Variants in PCDHGA3 observed in about 807,000 individuals in gnomAD.
The protein encoded by PCDHGA3 is protocadherin gamma-A3.
PCDHGA3 carries 40 observed loss-of-function variants against 58.5 expected under a neutral mutation model. The observed-to-expected ratio is 0.68, with a 90% confidence interval of 0.53 to 0.89. The LOEUF (loss-of-function observed/expected upper bound fraction) is 0.89. Ranked by LOEUF, PCDHGA3 falls within the 40% of genes least tolerant of loss-of-function variation. PCDHGA3 has a pLI of 0.00. For synonymous variants in PCDHGA3, 530 were observed against 525.7 expected (o/e 1.01, Z -0.11); for missense variants, 1,223 against 1,195.9 (o/e 1.02, Z -0.33).
At chr5:141,457,063 G>A (rs1477613746) in intron 1 of PCDHGA3, among the ~76,000 whole-genome samples, 1 of 152,104 alleles carries the variant, frequency 6.6e-6, no homozygotes, top group East Asian at 1.9e-4. Context: ...CTTCCTTTTT[G>A]CCAGTAACTA....
intron 1 of PCDHGA3, among the ~76,000 whole-genome samples, chr5:141,492,559 C>G (rs533830391): frequency 2.0e-5 from 3 of 152,174 alleles, no homozygotes; most frequent in Non-Finnish European, 4.4e-5. Context: ...GCCTGGGGGG[C>G]GGCCTGAGCG....
rs1266306917 is a variant in PCDHGA3 at position 141,403,005 on chromosome 5, C to A, written c.2424+56548C>A. ...CGCGGAAGATTAGTCCTGCTATGCTCGCTCCTGGGGATGCTATGGGAGGCC... is the reference window on the plus strand; with the variant it reads ...CGCGGAAGATTAGTCCTGCTATGCTAGCTCCTGGGGATGCTATGGGAGGCC... On this transcript the variant is annotated intron_variant, in intron 1 of 3. Transcript: ENST00000253812. The A allele has an allele frequency of 2.5e-6, 4 of 1,613,960 alleles. No homozygotes were observed. The East Asian group carries it at 8.9e-5, about 36-fold the overall frequency.
intron 1 of PCDHGA3, among the ~76,000 whole-genome samples, chr5:141,453,216 C>T (rs565229516): frequency 8.5e-5 from 13 of 152,080 alleles, no homozygotes; most frequent in Non-Finnish European, 1.0e-4. Context: ...TGCACTTAAG[C>T]GATCCTCCCA....
rs141363854 is a variant in PCDHGA3, at chr5:141,371,204, T to C, written c.2424+24747T>C. 1.5e-4 allele frequency: 240 copies of C among 1,614,012 alleles called. 1 individual carries two copies. The African/African-American group carries it at 3.0e-3, about 20-fold the overall frequency. ...TAAAAGTGATGGCCATTGACATGGA[T>C]GAGGGCATCAATGCCGAAATCATCT... On this transcript the variant is annotated intron_variant, in intron 1 of 3. Coordinates refer to ENST00000253812, the MANE Select transcript of PCDHGA3 (RefSeq NM_018916.4).
chr5:141,348,522 G>T lies in PCDHGA3; in HGVS notation c.2424+2065G>T, dbSNP rs1376139364. On this transcript the variant is annotated intron_variant, in intron 1 of 3. Coordinates refer to ENST00000253812, the MANE Select transcript of PCDHGA3 (RefSeq NM_018916.4). ...TAATTAGCTGTGTCAGGGGAAATTT[G>T]GATGCTCAAAGATAATTTCTAAGAA... Among the ~76,000 whole-genome samples, 3 of 152,212 alleles carry T rather than the reference G, an allele frequency of 2.0e-5. 1 individual carries two copies. The highest frequency in any genetic ancestry group is 7.2e-5 in the African/African-American group (3 of 41,530).
chr5:141,477,932 C>G lies in PCDHGA3; in HGVS notation c.2425-16875C>G, dbSNP rs1193822505. The G allele has an allele frequency of 3.1e-6, 5 of 1,614,040 alleles. No individual in the cohort carries two copies. The highest frequency in any genetic ancestry group is 4.2e-6 in the Non-Finnish European group (5 of 1,180,042). On this transcript the variant is annotated intron_variant, in intron 1 of 3. Transcript: ENST00000253812. This position sits in a 1 kb window ranked among gnomAD's most constrained non-coding sequence, Gnocchi z 4.9. ...CGCGGATGCAGGGCACAATGCCTGG[C>G]TCTCCTACAGTCTCTTGGGATCCCC... is the stretch of plus-strand genomic sequence containing the variant.
chr5:141,385,101 C>A (rs1373310406), intron 1 of PCDHGA3: 2 of 1,614,194 alleles, frequency 1.2e-6, no homozygotes, highest in East Asian at 2.2e-5. Flanking sequence ...GCTTGGCGAA[C>A]GTGCCCACCT....
intron 1 of PCDHGA3, among the ~76,000 whole-genome samples, chr5:141,455,315 T>G (rs1416163436): frequency 6.6e-6 from 1 of 152,152 alleles, no homozygotes; most frequent in Non-Finnish European, 1.5e-5. Context: ...TTAGCAATTT[T>G]GTGTGTGTGT....
At chr5:141,415,552 G>A in intron 1 of PCDHGA3, 1 of 1,614,098 alleles carries the variant, frequency 6.2e-7, no homozygotes, top group Admixed American at 1.7e-5. Context: ...TGAGAAAAAC[G>A]ATCCTTTGTC....
In PCDHGA3 at chr5:141,485,076, G is replaced by A; in HGVS notation, c.2425-9731G>A. 2.1e-6 allele frequency: 2 copies of A among 944,586 alleles called. No homozygotes were observed. Among genetic ancestry groups the A allele is most frequent in the East Asian group, 2.4e-5 (1 of 41,508 alleles). The allele number at this position is 944,586 out of a possible 1,614,324, so 58.5% of individuals were successfully genotyped here. ...CCGAACCGCGCCAGAGCTGGCGCGG[G>A]GAAAGGGAGATAGGTGTCTCCAGCT... On this transcript the variant is annotated intron_variant, in intron 1 of 3. Coordinates refer to ENST00000253812, the MANE Select transcript of PCDHGA3 (RefSeq NM_018916.4). This position sits in a 1 kb window ranked among gnomAD's most constrained non-coding sequence, Gnocchi z 5.7.
At chr5:141,501,881 C>T (rs1396427606) in intron 2 of PCDHGA3, among the ~76,000 whole-genome samples, 1 of 152,124 alleles carries the variant, frequency 6.6e-6, no homozygotes, top group East Asian at 1.9e-4. Context: ...CCTTACACTC[C>T]TGATCATCAT....
intron 1 of PCDHGA3, chr5:141,388,397 A>G (rs375367492): frequency 2.9e-4 from 463 of 1,613,838 alleles, no homozygotes; most frequent in Non-Finnish European, 3.7e-4. Context: ...AGAATTACCA[A>G]CTCAGTCCCA....
rs1308015959 is a variant in PCDHGA3, at chr5:141,482,105, AT to A, written c.2425-12701del. Among the ~76,000 whole-genome samples, 417 of 143,332 alleles carry A rather than the reference AT, an allele frequency of 2.9e-3. 1 individual carries two copies. The highest frequency in any genetic ancestry group is 0.011 in the African/African-American group (394 of 37,394). 94.0% of individuals were successfully genotyped at this position (143,332 alleles called of 152,430 possible). Reference sequence around the variant, plus strand: ...ACTCCATCTCAAAAAAAAAAAAAAAATATCTAGAGATGGGAGAATCATATGG... The same window carrying A: ...ACTCCATCTCAAAAAAAAAAAAAAAAATCTAGAGATGGGAGAATCATATGG... On this transcript the variant is annotated intron_variant, in intron 1 of 3. Coordinates refer to ENST00000253812, the MANE Select transcript of PCDHGA3 (RefSeq NM_018916.4).
Position 141,390,510 on chromosome 5 carries a change from TAA to T in PCDHGA3, c.2424+44055_2424+44056del. The T allele has an allele frequency of 5.1e-6, 3 of 587,534 alleles. No homozygotes were observed. The South Asian group carries it at 6.4e-5, about 13-fold the overall frequency. 36.4% of individuals were successfully genotyped at this position (587,534 alleles called of 1,614,324 possible). A position where few individuals can be genotyped will look rare whatever the true frequency, so the allele number is the denominator to read the frequency against. The stretch of plus-strand genomic sequence containing the variant: ...TGTTTTTTAGCCAAGCTTAGATTTA[TAA>T]AGCAATGAGGGTGTGGTTTTAACCA... On this transcript the variant is annotated intron_variant, in intron 1 of 3. Transcript: ENST00000253812.
At chr5:141,365,092 C>T in intron 1 of PCDHGA3, 1 of 1,613,856 alleles carries the variant, frequency 6.2e-7, no homozygotes, top group Non-Finnish European at 8.5e-7. Flanking sequence ...TTCCAGAGAA[C>T]ATACCTGTGG....
intron 1 of PCDHGA3, chr5:141,389,284 C>G (rs1227474648): frequency 1.1e-5 from 17 of 1,613,930 alleles, no homozygotes; most frequent in Admixed American, 1.7e-5. Flanking sequence ...CCGCCTGGAG[C>G]CTCTATTTCA....
chr5:141,409,669 C>A, intron 1 of PCDHGA3: 1 of 1,613,528 alleles, frequency 6.2e-7, no homozygotes, highest in Non-Finnish European at 8.5e-7. Context: ...ACATCTCCTA[C>A]TCTATAGTGG....
chr5:141,458,512 T>TG (rs2098947554), intron 1 of PCDHGA3, among the ~76,000 whole-genome samples: 2 of 150,084 alleles, frequency 1.3e-5, no homozygotes, highest in African/African-American at 5.0e-5. Context: ...TTTGACACTT[T>TG]GTTTTTTTTT....
chr5:141,489,999 G>C lies in PCDHGA3; in HGVS notation c.2425-4808G>C, dbSNP rs772783990. Reference sequence around the variant, plus strand: ...CAGTTCTACGTGTGGGAATCCCAGAGAATGCACCCATTGGTACTCTGCTGC... The same window carrying C: ...CAGTTCTACGTGTGGGAATCCCAGACAATGCACCCATTGGTACTCTGCTGC... On this transcript the variant is annotated intron_variant, in intron 1 of 3. Coordinates refer to ENST00000253812, the MANE Select transcript of PCDHGA3 (RefSeq NM_018916.4). This position sits in a 1 kb window ranked among gnomAD's most constrained non-coding sequence, Gnocchi z 4.5. 6.2e-7 allele frequency: 1 copy of C among 1,614,242 alleles called. No individual in the cohort carries two copies. Among genetic ancestry groups the C allele is most frequent in the East Asian group, 2.2e-5 (1 of 44,886 alleles).
Sources: allele counts gnomAD v4.1 joint callset (sites outside exome capture counted in the v4.1 genomes callset), GRCh38; gene constraint gnomAD v4.1.1; non-coding constraint Gnocchi (gnomAD v3.1); transcripts MANE v1.5; gene names NCBI Gene and HGNC (gene_info 2026-07-23, HGNC 2026-07-21).